The following FBXO40 variants were observed in gnomAD, a reference collection of about 807,000 sequenced individuals.
FBXO40 encodes the protein F-box only protein 40.
A neutral mutation model predicts 49.9 loss-of-function variants in FBXO40; 50 were observed. The observed-to-expected ratio is 1.00, with a 90% confidence interval of 0.80 to 1.27. FBXO40 has a LOEUF of 1.27. Among genes scored for constraint, FBXO40 ranks in the 50% most tolerant of loss-of-function variants. The pLI is 0.00. For synonymous variants in FBXO40, 340 were observed against 320.2 expected, an observed-to-expected ratio of 1.06 and a Z score of -0.66; for missense variants, 895 against 870.1, an observed-to-expected ratio of 1.03 and a Z score of -0.36.
intron 1 of FBXO40, among the ~76,000 whole-genome samples, chr3:121,607,522 G>A (rs1440668404): frequency 6.6e-6 from 1 of 151,800 alleles, no homozygotes; most frequent in Non-Finnish European, 1.5e-5. Context: ...TGTTAGCCAG[G>A]ATGGTCTCGA....
In FBXO40 at chr3:121,622,801, G is replaced by A; in HGVS notation, c.1372G>A (p.Glu458Lys). ...TGCCACCCCAGGGGGACTCCACGTG[G>A]AGCTCCACAGCGAGTGTGTGACCAG... ...TAATPGGLHV[E>K]LHSECVTRRH... The change falls in exon 3 of 4, where the codon GAG becomes AAG. Residue 458 changes from glutamate (E) to lysine (K), a missense_variant. By Grantham distance (56) the Glu-to-Lys change is moderately conservative (BLOSUM62 1). Coordinates refer to ENST00000338040, the MANE Select transcript of FBXO40 (RefSeq NM_016298.4). 5.6e-6 allele frequency: 9 copies of A among 1,614,194 alleles called. No individual in the cohort carries two copies. The South Asian group carries it at 9.9e-5, about 18-fold the overall frequency.
chr3:121,599,223 G>A (rs111686446), intron 1 of FBXO40, among the ~76,000 whole-genome samples: 6,527 of 152,088 alleles, frequency 0.043, 245 homozygotes, highest in African/African-American at 0.095. Context: ...ATCCTAGCAC[G>A]TTGGGAGGCC....
At chr3:121,618,163 T>C (rs982020621) in intron 1 of FBXO40, among the ~76,000 whole-genome samples, 1 of 152,008 alleles carries the variant, frequency 6.6e-6, no homozygotes, top group African/African-American at 2.4e-5. Context: ...TCAATAAAAA[T>C]GTTTAATAAA....
At chr3:121,621,314 G>A (rs1023948430) in intron 2 of FBXO40, 119 bp from the exon 3 acceptor site, 12 of 831,900 alleles carry the variant, frequency 1.4e-5, no homozygotes, top group Middle Eastern at 7.4e-4. Flanking sequence ...ATATTTCAAG[G>A]TTTCTACAAA....
intron 1 of FBXO40, among the ~76,000 whole-genome samples, chr3:121,596,136 C>T (rs1407014220): frequency 6.6e-6 from 1 of 152,210 alleles, no homozygotes; most frequent in African/African-American, 2.4e-5. Context: ...GTTAGCATGA[C>T]TTTGTTGACC....
Position 121,622,335 on chromosome 3 carries a change from G to C in FBXO40, c.906G>C (p.Val302=). 1 of 1,614,212 alleles carries C rather than the reference G, an allele frequency of 6.2e-7. No homozygotes were observed. The highest frequency in any genetic ancestry group is 1.1e-5 in the South Asian group (1 of 91,080). ...DGVLERLKTA[V]DAKDYNMYLV... ...TTCTGGAAAGACTGAAAACAGCTGT[G>C]GATGCAAAGGACTATAACATGTATC... The change falls in exon 3 of 4, where the codon GTG becomes GTC. Residue 302 remains valine (V), a synonymous_variant. Transcript: ENST00000338040.
intron 1 of FBXO40, among the ~76,000 whole-genome samples, chr3:121,613,931 G>A (rs534125809): frequency 1.3e-5 from 2 of 152,202 alleles, no homozygotes; most frequent in South Asian, 2.1e-4. Flanking sequence ...TCAGGAGTTC[G>A]AGACCAGCCT....
intron 1 of FBXO40, among the ~76,000 whole-genome samples, chr3:121,612,053 C>T (rs1004905614): frequency 2.6e-5 from 4 of 152,308 alleles, no homozygotes; most frequent in African/African-American, 9.6e-5. Flanking sequence ...TATGTCTTCC[C>T]TTTCTACATA....
In FBXO40 at chr3:121,622,803, G is replaced by C. The variant is rs1576456188; in HGVS notation, c.1374G>C (p.Glu458Asp). 1 of 1,614,198 alleles carries C rather than the reference G, an allele frequency of 6.2e-7. No homozygotes were observed. The highest frequency in any genetic ancestry group is 2.2e-5 in the East Asian group (1 of 44,876). ...CCACCCCAGGGGGACTCCACGTGGA[G>C]CTCCACAGCGAGTGTGTGACCAGGA... ...TAATPGGLHV[E>D]LHSECVTRRH... Residue 458 changes from glutamate (E) to aspartate (D), a missense_variant, in exon 3 of 4, where the codon GAG (glutamate) becomes GAC (aspartate). Glu to Asp is a conservative substitution (Grantham distance 45, BLOSUM62 2). Coordinates refer to ENST00000338040, the MANE Select transcript of FBXO40 (RefSeq NM_016298.4).
rs2049080597 is a variant in FBXO40, at chr3:121,629,376, GAA to G, written c.*2467_*2468del. The G allele has an allele frequency of 2.0e-5, 3 of 152,332 alleles. No homozygotes were observed. The highest frequency in any genetic ancestry group is 7.2e-5 in the African/African-American group (3 of 41,560). The allele number at this position is 152,332 out of a possible 1,614,324, so 9.4% of individuals were successfully genotyped here. A position where few individuals can be genotyped will look rare whatever the true frequency, so the allele number is the denominator to read the frequency against. ...AGCTAACACTGCAGTGGGAAGGAAG[GAA>G]GAGAGTTGTCCAGGTGGTAGTTCGA... On this transcript the variant is annotated 3_prime_UTR_variant, in exon 4 of 4. Transcript: ENST00000338040.
At position 121,622,627 on chromosome 3, in the gene FBXO40, C is replaced by G. The variant is rs764748179; in HGVS notation, c.1198C>G (p.Leu400Val). Reference protein sequence around the residue: ...LPKSDLIKTTLQCALERELKG... With the variant: ...LPKSDLIKTTVQCALERELKG... ...CAAATCAGATCTCATCAAGACCACC[C>G]TCCAGTGTGCTTTGGAAAGAGAACT... The change falls in exon 3 of 4, where the codon CTC becomes GTC. Residue 400 changes from leucine to valine, a missense_variant. Physicochemically the swap from Leu to Val is conservative, Grantham distance 32 (BLOSUM62 1). Transcript: ENST00000338040. 6 of 1,614,190 alleles carry G rather than the reference C, an allele frequency of 3.7e-6. No homozygotes were observed. In the South Asian group the frequency reaches 6.6e-5, roughly 18 times the overall value.
At chr3:121,624,067 C>T (rs1191571502) in intron 3 of FBXO40, among the ~76,000 whole-genome samples, 2 of 149,474 alleles carry the variant, frequency 1.3e-5, no homozygotes, top group African/African-American at 2.5e-5. Context: ...CTCAGCTCAC[C>T]GCAACCTCTG....
rs754301909 is a variant in FBXO40 at position 121,623,105 on chromosome 3, A to G, written c.1676A>G (p.Asn559Ser). ...VAPELSEGRK[N>S]NHLLGHGGKS... is the part of the protein sequence containing the mutation. ...CCAGAGCTGAGCGAGGGAAGGAAGAACAACCATCTTTTGGGTCATGGAGGA... is the reference window on the plus strand; with the variant it reads ...CCAGAGCTGAGCGAGGGAAGGAAGAGCAACCATCTTTTGGGTCATGGAGGA... The change falls in exon 3 of 4, where the codon AAC (asparagine) becomes AGC (serine). Residue 559 changes from asparagine to serine, a missense_variant. Asn to Ser is a conservative substitution (Grantham distance 46). Coordinates refer to ENST00000338040, the MANE Select transcript of FBXO40 (RefSeq NM_016298.4). The G allele has an allele frequency of 4.3e-6, 7 of 1,614,126 alleles. No individual in the cohort carries two copies. Among genetic ancestry groups the G allele is most frequent in the East Asian group, 2.2e-5 (1 of 44,900 alleles).
intron 1 of FBXO40, among the ~76,000 whole-genome samples, chr3:121,606,267 G>A (rs2048931559): frequency 6.6e-6 from 1 of 152,224 alleles, no homozygotes; most frequent in African/African-American, 2.4e-5. Flanking sequence ...GGTGTCAGAA[G>A]TGTAGACCTT....
In FBXO40 at chr3:121,626,902, G is replaced by A. The variant is rs377351705; in HGVS notation, c.2122G>A (p.Val708Ile). The change falls in exon 4 of 4, where the codon GTC becomes ATC. Residue 708 changes from valine to isoleucine, a missense_variant. Transcript: ENST00000338040. Reference sequence around the variant, plus strand: ...TAGAATCAGACCACGAGGAAGATACGTCTCCTAAAAATTCAGATGCCACTC... The same window carrying A: ...TAGAATCAGACCACGAGGAAGATACATCTCCTAAAAATTCAGATGCCACTC... ...TFRIRPRGRY[V>I]S 8.1e-5 allele frequency: 131 copies of A among 1,613,896 alleles called. No homozygotes were observed. Among genetic ancestry groups the A allele is most frequent in the Non-Finnish European group, 1.0e-4 (120 of 1,179,990 alleles).
intron 1 of FBXO40, among the ~76,000 whole-genome samples, chr3:121,600,228 C>T (rs1039994649): frequency 1.5e-5 from 2 of 129,552 alleles, no homozygotes; most frequent in African/African-American, 2.9e-5. Context: ...TTAGTAGAGA[C>T]GAGGTCTTGC....
In FBXO40 at chr3:121,622,868, A is replaced by G; in HGVS notation, c.1439A>G (p.Asn480Ser). The G allele has an allele frequency of 6.2e-7, 1 of 1,614,204 alleles. No homozygotes were observed. The highest frequency in any genetic ancestry group is 8.5e-7 in the Non-Finnish European group (1 of 1,180,046). The change falls in exon 3 of 4, where the codon AAC becomes AGC. Residue 480 changes from asparagine (N) to serine (S), a missense_variant. Asn to Ser is a conservative substitution (Grantham distance 46, BLOSUM62 1). Transcript: ENST00000338040. Reference sequence around the variant, plus strand: ...AGCTCTGCCTTCACTTTCACTTGCAACAAATTCTTCAGGAGGGATGAGTTC... The same window carrying G: ...AGCTCTGCCTTCACTTTCACTTGCAGCAAATTCTTCAGGAGGGATGAGTTC... ...KSSSAFTFTC[N>S]KFFRRDEFPL...
At chr3:121,595,957 G>C (rs926224069) in intron 1 of FBXO40, among the ~76,000 whole-genome samples, 1 of 152,200 alleles carries the variant, frequency 6.6e-6, no homozygotes, top group African/African-American at 2.4e-5. Flanking sequence ...TTTAGTTACT[G>C]ACATCATGTG....
intron 1 of FBXO40, among the ~76,000 whole-genome samples, chr3:121,619,235 C>G (rs1223326344): frequency 6.6e-6 from 1 of 151,836 alleles, no homozygotes; most frequent in Non-Finnish European, 1.5e-5. Context: ...TCTTGAACTC[C>G]TGGGCTCAAG....
Sources: gnomAD v4.1 joint callset for allele counts (sites outside exome capture counted in the v4.1 genomes callset) on GRCh38, gnomAD v4.1.1 for gene constraint, MANE v1.5 for transcripts, NCBI Gene and HGNC (gene_info 2026-07-23, HGNC 2026-07-21) for gene names.